The following IL1RAPL2 variants were observed in gnomAD, a reference collection of about 807,000 sequenced individuals.
IL1RAPL2 encodes X-linked interleukin-1 receptor accessory protein-like 2.
In IL1RAPL2, 3 loss-of-function variants were observed where a neutral mutation model predicts 44.1. The observed-to-expected ratio is 0.07, with a 90% CI of 0.03 to 0.18. IL1RAPL2 has a LOEUF of 0.18. Ranked by LOEUF, IL1RAPL2 falls within the 10% of genes least tolerant of loss-of-function variation. IL1RAPL2 has a pLI of 1.00. For missense variants in IL1RAPL2, 391 were observed against 496.4 expected (o/e 0.79, Z 2.02); for synonymous variants, 181 against 178.8 (o/e 1.01, Z -0.10).
intron 2 of IL1RAPL2, among the ~76,000 whole-genome samples, chrX:104,826,938 C>CTTTTTTT (rs1176113214): frequency 1.2e-3 from 41 of 34,871 alleles, no homozygotes; most frequent in Non-Finnish European, 1.6e-3. Flanking sequence ...GCAACCCCTG[C>CTTTTTTT]TTTTTTTTTT....
intron 2 of IL1RAPL2, among the ~76,000 whole-genome samples, chrX:104,812,303 T>C (rs939977236): frequency 9.0e-5 from 10 of 111,282 alleles, no homozygotes; most frequent in African/African-American, 3.3e-4. Flanking sequence ...TGACATAAAA[T>C]GGGGACTTAC....
chrX:104,984,340 C>G (rs1036698209), intron 2 of IL1RAPL2, among the ~76,000 whole-genome samples: 1 of 111,760 alleles, frequency 8.9e-6, no homozygotes, highest in Non-Finnish European at 1.9e-5. Context: ...ATTATCTCCA[C>G]TGTTAAACCT....
chrX:105,329,904 T>C (rs1045463860), intron 5 of IL1RAPL2, among the ~76,000 whole-genome samples: 21 of 111,747 alleles, frequency 1.9e-4, no homozygotes, highest in Non-Finnish European at 3.2e-4. Context: ...GTTTTACCAA[T>C]TTATTTTTAC....
At chrX:104,725,527 A>G (rs1198822032) in intron 2 of IL1RAPL2, among the ~76,000 whole-genome samples, 1 of 111,784 alleles carries the variant, frequency 8.9e-6, no homozygotes, top group Non-Finnish European at 1.9e-5. Context: ...CTATTTCTCC[A>G]CATCCTCTCC....
chrX:105,169,396 T>TG (rs1556122237), intron 2 of IL1RAPL2, among the ~76,000 whole-genome samples: 1 of 98,791 alleles, frequency 1.0e-5, no homozygotes, highest in East Asian at 3.1e-4. Flanking sequence ...TCTAATTCAG[T>TG]GAAAAAAAAA....
chrX:105,682,616 G>A (rs2037934970), intron 6 of IL1RAPL2, among the ~76,000 whole-genome samples: 1 of 112,088 alleles, frequency 8.9e-6, no homozygotes, highest in South Asian at 3.6e-4. Context: ...TTCCCTAGCA[G>A]TATACCATTT....
intron 2 of IL1RAPL2, among the ~76,000 whole-genome samples, chrX:105,076,051 G>C (rs1454654395): frequency 9.0e-6 from 1 of 111,171 alleles, no homozygotes; most frequent in Non-Finnish European, 1.9e-5. Context: ...CTTCAGTTCT[G>C]CTCTGATTTT....
intron 2 of IL1RAPL2, among the ~76,000 whole-genome samples, chrX:104,874,545 A>G (rs958805649): frequency 9.0e-6 from 1 of 111,321 alleles, no homozygotes; most frequent in African/African-American, 3.3e-5. Flanking sequence ...AAGCCATGTT[A>G]ATTTCAAGCT....
intron 6 of IL1RAPL2, among the ~76,000 whole-genome samples, chrX:105,504,219 AAC>A (rs1255625801): frequency 9.0e-6 from 1 of 111,601 alleles, no homozygotes; most frequent in Non-Finnish European, 1.9e-5. Context: ...CTATTAGACA[AAC>A]ACATAGGCAG....
chrX:104,669,120 G>A (rs1457890035), intron 2 of IL1RAPL2, among the ~76,000 whole-genome samples: 1 of 111,423 alleles, frequency 9.0e-6, no homozygotes, highest in Non-Finnish European at 1.9e-5. Flanking sequence ...TAATATCTTT[G>A]CTTGTTTCTT....
chrX:104,794,733 G>A (rs1932841106), intron 2 of IL1RAPL2, among the ~76,000 whole-genome samples: 1 of 111,836 alleles, frequency 8.9e-6, no homozygotes, highest in Non-Finnish European at 1.9e-5. Context: ...TTTGTAAGTA[G>A]TATTTCATGA....
chrX:105,310,629 C>G (rs2034790247), intron 5 of IL1RAPL2, among the ~76,000 whole-genome samples: 1 of 111,597 alleles, frequency 9.0e-6, no homozygotes, highest in South Asian at 3.7e-4. Flanking sequence ...TTAGCCACAT[C>G]CCACAAATTT....
At chrX:105,495,808 G>A (rs1026663525) in intron 6 of IL1RAPL2, among the ~76,000 whole-genome samples, 4 of 109,645 alleles carry the variant, frequency 3.6e-5, no homozygotes, top group East Asian at 2.9e-4. Context: ...AATTCTAGGC[G>A]TCTCTCCCCG....
intron 2 of IL1RAPL2, among the ~76,000 whole-genome samples, chrX:104,886,237 T>C (rs1025009484): frequency 8.9e-6 from 1 of 112,376 alleles, no homozygotes; most frequent in Non-Finnish European, 1.9e-5. Context: ...GGGAGGGATA[T>C]ATTAGCCAAA....
intron 6 of IL1RAPL2, among the ~76,000 whole-genome samples, chrX:105,646,011 C>A (rs551313484): frequency 1.1e-4 from 12 of 110,945 alleles, no homozygotes; most frequent in Middle Eastern, 9.2e-3. Context: ...GATTTTTTTT[C>A]CTATCATGCC....
chrX:104,650,822 T>C (rs965565694), intron 1 of IL1RAPL2, among the ~76,000 whole-genome samples: 1 of 111,744 alleles, frequency 8.9e-6, no homozygotes, highest in Middle Eastern at 4.2e-3. Context: ...CCATAGCATC[T>C]AACTTCTAGG....
At chrX:105,341,604 A>T (rs1030448822) in intron 5 of IL1RAPL2, among the ~76,000 whole-genome samples, 1 of 112,143 alleles carries the variant, frequency 8.9e-6, no homozygotes, top group Admixed American at 9.5e-5. Context: ...TTTTTTATAC[A>T]ACCTTATGAG....
intron 5 of IL1RAPL2, among the ~76,000 whole-genome samples, chrX:105,316,380 C>T (rs1233478414): frequency 1.8e-5 from 2 of 111,737 alleles, no homozygotes; most frequent in African/African-American, 6.5e-5. Context: ...GAGTGATGGC[C>T]AAGACTGTGT....
intron 4 of IL1RAPL2, among the ~76,000 whole-genome samples, chrX:105,256,747 T>C (rs1279166363): frequency 8.9e-6 from 1 of 111,787 alleles, no homozygotes; most frequent in East Asian, 2.8e-4. Context: ...GTTTTCTAAT[T>C]TGTGTACATA....
Sources: allele counts gnomAD v4.1 joint callset (sites outside exome capture counted in the v4.1 genomes callset), GRCh38; gene constraint gnomAD v4.1.1; transcripts MANE v1.5; gene names NCBI Gene and HGNC (gene_info 2026-07-23, HGNC 2026-07-21).